Variants in SPTLC3 observed in about 807,000 individuals in gnomAD.
SPTLC3 encodes the protein serine palmitoyltransferase 3.
SPTLC3 carries 36 observed loss-of-function variants against 59.3 expected under a neutral mutation model. The observed-to-expected ratio is 0.61, with a 90% CI of 0.47 to 0.80. SPTLC3 has a LOEUF of 0.80. Ranked by LOEUF, SPTLC3 falls within the 30% of genes least tolerant of loss-of-function variation. The pLI, the probability that SPTLC3 is intolerant of heterozygous loss-of-function variation, is 0.00. For synonymous variants in SPTLC3, 257 were observed against 240.8 expected (o/e 1.07, Z -0.62); for missense variants, 625 against 685.1 (o/e 0.91, Z 0.98).
At chr20:13,076,654 TAAAAGA>T (rs1988658010) in intron 4 of SPTLC3, among the ~76,000 whole-genome samples, 1 of 152,104 alleles carries the variant, frequency 6.6e-6, no homozygotes, top group South Asian at 2.1e-4. Flanking sequence ...ATTTGTCCAT[TAAAAGA>T]AAAAGACTGA....
intron 9 of SPTLC3, among the ~76,000 whole-genome samples, chr20:13,136,475 C>T (rs1156546124): frequency 6.6e-6 from 1 of 151,600 alleles, no homozygotes. Flanking sequence ...TGGCAGACAC[C>T]TGTGGTCCCA....
intron 11 of SPTLC3, among the ~76,000 whole-genome samples, chr20:13,163,388 A>AAAT (rs1207832285): frequency 7.0e-6 from 1 of 143,426 alleles, no homozygotes; most frequent in African/African-American, 2.5e-5. Flanking sequence ...AAAAAAAAAA[A>AAAT]AATAGAAATC....
At chr20:13,114,983 C>T (rs1240951023) in intron 7 of SPTLC3, among the ~76,000 whole-genome samples, 1 of 152,130 alleles carries the variant, frequency 6.6e-6, no homozygotes, top group Non-Finnish European at 1.5e-5. Context: ...AATTCAAGTC[C>T]CTGCACAGAG....
In SPTLC3 at chr20:13,035,522, G is replaced by A. The variant is rs184691525; in HGVS notation, c.118-13423G>A. On this transcript the variant is annotated intron_variant, in intron 1 of 11. Coordinates refer to ENST00000399002, the MANE Select transcript of SPTLC3 (RefSeq NM_018327.4). ...AGAGGTCAATGATTAATTACACCAG[G>A]TGCCTTCCGAAACAAAAATAAAATT... 1.7e-3 allele frequency among the ~76,000 whole-genome samples: 265 copies of A among 152,194 alleles called. 1 individual carries two copies. Among genetic ancestry groups the A allele is most frequent in the African/African-American group, 6.0e-3 (251 of 41,540 alleles).
rs145937101 is a variant in SPTLC3 at position 13,065,730 on chromosome 20, G to A, written c.304-6526G>A. Among the ~76,000 whole-genome samples, 26 of 150,986 alleles carry A rather than the reference G, an allele frequency of 1.7e-4. No homozygotes were observed. In the East Asian group the frequency reaches 5.1e-3, roughly 29 times the overall value. ...TTCTCCTTTTATACTTAGTACAGTT[G>A]TTTTTCTTTTAACATATATGCATTT... On this transcript the variant is annotated intron_variant, in intron 2 of 11. Coordinates refer to ENST00000399002, the MANE Select transcript of SPTLC3 (RefSeq NM_018327.4).
chr20:13,030,827 A>G (rs6041777), intron 1 of SPTLC3, among the ~76,000 whole-genome samples: 1 of 152,004 alleles, frequency 6.6e-6, no homozygotes, highest in African/African-American at 2.4e-5. Context: ...CCTACTGATT[A>G]TTCAGATTTT....
At chr20:13,088,524 C>T (rs573470682) in intron 4 of SPTLC3, among the ~76,000 whole-genome samples, 4 of 151,768 alleles carry the variant, frequency 2.6e-5, no homozygotes, top group Admixed American at 6.6e-5. Context: ...TTAGTTTCAC[C>T]GTGTTAGCCA....
chr20:13,060,848 C>T (rs1163303396), intron 2 of SPTLC3, among the ~76,000 whole-genome samples: 1 of 151,922 alleles, frequency 6.6e-6, no homozygotes, highest in African/African-American at 2.4e-5. Flanking sequence ...GCACACACCA[C>T]ATTTGCTTTA....
intron 6 of SPTLC3, among the ~76,000 whole-genome samples, chr20:13,102,071 G>A (rs1482376697): frequency 6.6e-6 from 1 of 152,090 alleles, no homozygotes; most frequent in African/African-American, 2.4e-5. Context: ...CCAAGAGGAG[G>A]AAGAAAAAGA....
chr20:13,144,544 A>C (rs1268862014), intron 9 of SPTLC3, among the ~76,000 whole-genome samples: 2 of 152,244 alleles, frequency 1.3e-5, no homozygotes, highest in Non-Finnish European at 2.9e-5. Flanking sequence ...CTATTGACTG[A>C]GGACAAAAAT....
chr20:13,151,064 T>C (rs2038632531), intron 9 of SPTLC3, among the ~76,000 whole-genome samples: 1 of 152,206 alleles, frequency 6.6e-6, no homozygotes, highest in Admixed American at 6.5e-5. Context: ...AGCTCTTCTG[T>C]TTTTATATCT....
chr20:13,031,952 CTTA>C (rs1986493805), intron 1 of SPTLC3, among the ~76,000 whole-genome samples: 1 of 152,138 alleles, frequency 6.6e-6, no homozygotes, highest in Non-Finnish European at 1.5e-5. Context: ...TTGTGTCTCT[CTTA>C]TTACGTGAAG....
intron 7 of SPTLC3, among the ~76,000 whole-genome samples, chr20:13,114,025 C>A (rs978366228): frequency 2.4e-4 from 36 of 152,164 alleles, no homozygotes; most frequent in African/African-American, 8.4e-4. Context: ...GACAGATAAC[C>A]GAGATGAGGC....
At chr20:13,096,594 C>T (rs994691328) in intron 6 of SPTLC3, among the ~76,000 whole-genome samples, 7 of 152,026 alleles carry the variant, frequency 4.6e-5, no homozygotes, top group African/African-American at 1.7e-4. Context: ...ATAGACAAAA[C>T]TAATCTATGA....
At chr20:13,036,975 G>A (rs942922585) in intron 1 of SPTLC3, among the ~76,000 whole-genome samples, 2 of 152,070 alleles carry the variant, frequency 1.3e-5, no homozygotes, top group African/African-American at 4.8e-5. Flanking sequence ...CCTTGGCTTT[G>A]TTGATTCAGT....
At chr20:13,079,774 T>C (rs536750813) in intron 4 of SPTLC3, 19 of 470,152 alleles carry the variant, frequency 4.0e-5, no homozygotes, top group African/African-American at 2.6e-4. Flanking sequence ...CCTGGCAGAA[T>C]GCCCTCTGTG....
rs181742696 is a variant in SPTLC3 at position 13,120,704 on chromosome 20, G to A, written c.1152+2979G>A. On this transcript the variant is annotated intron_variant, in intron 8 of 11. Coordinates refer to ENST00000399002, the MANE Select transcript of SPTLC3 (RefSeq NM_018327.4). ...GGAGAAAAAAATGGTTTAGTATGAC[G>A]ATACTACTAGAGGAAACAGAGGTTT... Among the ~76,000 whole-genome samples the A allele has an allele frequency of 4.6e-5, 7 of 152,268 alleles. No individual in the cohort carries two copies. The East Asian group carries it at 1.2e-3, about 25-fold the overall frequency.
chr20:13,034,488 T>C (rs960883149), intron 1 of SPTLC3, among the ~76,000 whole-genome samples: 1 of 152,196 alleles, frequency 6.6e-6, no homozygotes, highest in African/African-American at 2.4e-5. Context: ...AGATTAGAGT[T>C]AGACCTCCTG....
intron 4 of SPTLC3, 75 bp from the exon 5 acceptor site, chr20:13,091,008 G>T: frequency 6.3e-7 from 1 of 1,582,476 alleles, no homozygotes; most frequent in Non-Finnish European, 8.6e-7. Flanking sequence ...TGATGTGTAC[G>T]TACTGGAATT....
Sources: allele counts gnomAD v4.1 joint callset (sites outside exome capture counted in the v4.1 genomes callset), GRCh38; gene constraint gnomAD v4.1.1; transcripts MANE v1.5; gene names NCBI Gene and HGNC (gene_info 2026-07-23, HGNC 2026-07-21).